Variants in DNAAF1 observed in about 807,000 individuals in gnomAD.
DNAAF1 encodes dynein axonemal assembly factor 1.
DNAAF1 carries 65 observed loss-of-function variants against 71.1 expected under a neutral mutation model. The ratio of observed to expected loss-of-function variants is 0.91; its 90% confidence interval spans 0.75 to 1.12. The LOEUF is 1.12. Ranked by LOEUF, DNAAF1 falls within the 50% of genes most tolerant of loss-of-function variation. DNAAF1 has a pLI of 0.00. For missense variants in DNAAF1, 1,178 were observed against 899.8 expected, an observed-to-expected ratio of 1.31 and a Z score of -3.96; for synonymous variants, 414 against 354.6, an observed-to-expected ratio of 1.17 and a Z score of -1.88.
In DNAAF1 at chr16:84,168,859, T is replaced by C. The variant is rs568077334; in HGVS notation, c.1031-1000T>C. Reference sequence around the variant, plus strand: ...ACACACACACACACACACACACACTTTGCTTTTCCCCTGAACCATTTGAAG... The same window carrying C: ...ACACACACACACACACACACACACTCTGCTTTTCCCCTGAACCATTTGAAG... On this transcript the variant is annotated intron_variant, in intron 7 of 11. Transcript: ENST00000378553. Among the ~76,000 whole-genome samples, 62 of 37,996 alleles carry C rather than the reference T, an allele frequency of 1.6e-3. 1 individual carries two copies. The highest frequency in any genetic ancestry group is 3.4e-3 in the Non-Finnish European group (51 of 15,130). 24.9% of individuals were successfully genotyped at this position (37,996 alleles called of 152,430 possible).
intron 11 of DNAAF1, 56 bp from the exon 12 acceptor site, chr16:84,177,673 C>T (rs560084405): frequency 1.6e-5 from 24 of 1,495,748 alleles, no homozygotes; most frequent in Admixed American, 1.3e-4. Context: ...GGCTGCCCCC[C>T]TGTCCTTGCA....
chr16:84,150,529 T>A (rs1260092968), intron 3 of DNAAF1, among the ~76,000 whole-genome samples, 187 bp downstream of exon 3: 7 of 152,124 alleles, frequency 4.6e-5, no homozygotes, highest in Non-Finnish European at 1.5e-5. Context: ...CTGACCAGTT[T>A]ACAAAGGAGC....
intron 2 of DNAAF1, among the ~76,000 whole-genome samples, chr16:84,149,560 G>A (rs936882079): frequency 5.3e-5 from 8 of 151,164 alleles, no homozygotes; most frequent in Non-Finnish European, 7.4e-5. Flanking sequence ...GCGTAGTGGC[G>A]GGCACCTGTA....
intron 7 of DNAAF1, among the ~76,000 whole-genome samples, chr16:84,167,153 C>T (rs749433337): frequency 6.6e-6 from 1 of 152,120 alleles, no homozygotes; most frequent in Non-Finnish European, 1.5e-5. Context: ...TGATGGCTCA[C>T]AGAACTCCAG....
At position 84,145,473 on chromosome 16, in the gene DNAAF1, T is replaced by C. The variant is rs1161424646; in HGVS notation, c.33T>C (p.Gly11=). 30 of 1,576,848 alleles carry C rather than the reference T, an allele frequency of 1.9e-5. No individual in the cohort carries two copies. The highest frequency in any genetic ancestry group is 2.2e-5 in the Non-Finnish European group (26 of 1,161,908). The change falls in exon 1 of 12, where the codon GGT becomes GGC. Residue 11 remains glycine, a synonymous_variant. Transcript: ENST00000378553. The stretch of plus-strand genomic sequence containing the variant: ...CTGAGCCCTCGGAGCCTGCGACAGG[T>C]GGTGCAGCAGAGCTGGATTGCGCGC... MHPEPSEPAT[G]GAAELDCAQE... is the part of the protein sequence containing the mutation.
chr16:84,172,175 C>G (rs1292426712), intron 8 of DNAAF1, 85 bp from the exon 9 acceptor site: 2 of 1,317,644 alleles, frequency 1.5e-6, no homozygotes, highest in Non-Finnish European at 2.2e-6. Flanking sequence ...CCGAGCCCGG[C>G]CCTTGGGAGC....
In DNAAF1 at chr16:84,165,802, GC is replaced by G; in HGVS notation, c.884del (p.Ala295ValfsTer32). ...PKDRACAEAWARGGYAAEKEE... is the reference protein window; with the variant it reads ...PKDRACAEAWXRGGYAAEKEE... ...AAACAGAGCTTGTGCGGAGGCCTGG[GC>G]TAGGGGAGGGTACGCAGCTGAAAAG... On this transcript the variant is annotated frameshift_variant, in exon 7 of 12. Transcript: ENST00000378553. LOFTEE classifies it high-confidence loss of function. 3 of 1,613,660 alleles carry G rather than the reference GC, an allele frequency of 1.9e-6. No homozygotes were observed. The highest frequency in any genetic ancestry group is 2.5e-6 in the Non-Finnish European group (3 of 1,179,946).
chr16:84,172,101 A>G (rs1181580051), intron 8 of DNAAF1, among the ~76,000 whole-genome samples, 159 bp from the exon 9 acceptor site: 1 of 151,790 alleles, frequency 6.6e-6, no homozygotes, highest in Non-Finnish European at 1.5e-5. Context: ...CTGGACTCAA[A>G]CTTCTGACCT....
In DNAAF1 at chr16:84,148,596, C is replaced by CTCTTTTTTT; in HGVS notation, c.125-410_125-409insCTTTTTTTT. On this transcript the variant is annotated intron_variant, in intron 1 of 11. Coordinates refer to ENST00000378553, the MANE Select transcript of DNAAF1 (RefSeq NM_178452.6). ...AAAGATTACTGTTCTCTCTCTCTCTCTTTTTTTTTTTTTTTTTTGGTGAGA... is the reference window on the plus strand; with the variant it reads ...AAAGATTACTGTTCTCTCTCTCTCTCTCTTTTTTTTTTTTTTTTTTTTTTTTTGGTGAGA... Among the ~76,000 whole-genome samples the CTCTTTTTTT allele has an allele frequency of 1.1e-3, 50 of 43,542 alleles. 2 individuals are homozygous for CTCTTTTTTT. Among genetic ancestry groups the CTCTTTTTTT allele is most frequent in the African/African-American group, 4.1e-3 (45 of 10,858 alleles). 28.6% of individuals were successfully genotyped at this position (43,542 alleles called of 152,430 possible).
chr16:84,147,604 A>G (rs1243647693), intron 1 of DNAAF1, among the ~76,000 whole-genome samples: 1 of 152,042 alleles, frequency 6.6e-6, no homozygotes, highest in Non-Finnish European at 1.5e-5. Flanking sequence ...GACTACAGGC[A>G]TGCTCCACTA....
intron 8 of DNAAF1, 142 bp downstream of exon 8, chr16:84,170,498 C>G (rs2088273486): frequency 7.3e-7 from 1 of 1,367,304 alleles, no homozygotes; most frequent in Non-Finnish European, 1.0e-6. Context: ...CACTAGTTAT[C>G]TTGTTTTCTA....
chr16:84,176,083 G>A lies in DNAAF1; in HGVS notation c.1849G>A (p.Ala617Thr), dbSNP rs1308243842. ...AGTCTCTAAAGACACCTCAAAGGCG[G>A]CTCGGGTGCCCTTCACAGACATCTT... The part of the protein sequence containing the change: ...FAVSKDTSKA[A>T]RVPFTDIFKK... Residue 617 changes from alanine (A) to threonine (T), a missense_variant, in exon 11 of 12, where the codon GCT becomes ACT. Ala to Thr is a moderately conservative substitution (Grantham distance 58). Coordinates refer to ENST00000378553, the MANE Select transcript of DNAAF1 (RefSeq NM_178452.6). The A allele has an allele frequency of 1.3e-5, 21 of 1,613,930 alleles. No homozygotes were observed. The highest frequency in any genetic ancestry group is 1.8e-5 in the Non-Finnish European group (21 of 1,179,986).
chr16:84,174,136 A>T (rs1230633172), intron 9 of DNAAF1: 1 of 974,880 alleles, frequency 1.0e-6, no homozygotes, highest in African/African-American at 1.8e-5. Context: ...GTGGTGGGGG[A>T]GTAACAACCT....
intron 6 of DNAAF1, among the ~76,000 whole-genome samples, chr16:84,163,365 C>T (rs1178045754): frequency 1.5e-5 from 2 of 134,400 alleles, no homozygotes; most frequent in East Asian, 4.0e-4. Flanking sequence ...CTTTTTTTTC[C>T]TCTCTCTCTC....
intron 3 of DNAAF1, among the ~76,000 whole-genome samples, chr16:84,152,853 A>G (rs1009449129): frequency 1.3e-5 from 2 of 151,864 alleles, no homozygotes; most frequent in African/African-American, 2.4e-5. Flanking sequence ...GCTACTCAGG[A>G]GGCTGAGACA....
chr16:84,166,091 G>C, intron 7 of DNAAF1, 142 bp downstream of exon 7: 1 of 1,193,036 alleles, frequency 8.4e-7, no homozygotes, highest in Admixed American at 2.2e-5. Flanking sequence ...TGTCACTGAG[G>C]TTGCAAAGTT....
Position 84,163,202 on chromosome 16 carries a change from G to A in DNAAF1, c.864-2581G>A, listed in dbSNP as rs549144902. Among the ~76,000 whole-genome samples, 4 of 152,220 alleles carry A rather than the reference G, an allele frequency of 2.6e-5. 1 individual carries two copies. In the East Asian group the frequency reaches 5.8e-4, roughly 22 times the overall value. On this transcript the variant is annotated intron_variant, in intron 6 of 11. Transcript: ENST00000378553. ...TCTTCTCCTGGGTATGTATCTAGGA[G>A]TGAAATTTCTGGGTCATACAGGGAC...
chr16:84,160,543 C>T (rs149559607), intron 6 of DNAAF1, among the ~76,000 whole-genome samples: 1 of 152,130 alleles, frequency 6.6e-6, no homozygotes, highest in Non-Finnish European at 1.5e-5. Context: ...TTGCATTATA[C>T]AACATTTAAA....
intron 3 of DNAAF1, 129 bp from the exon 4 acceptor site, chr16:84,154,448 G>A: frequency 1.2e-6 from 1 of 826,972 alleles, no homozygotes; most frequent in Admixed American, 2.0e-5. Context: ...TTAGGGGTTA[G>A]GATTTCAATG....
Sources: gnomAD v4.1 joint callset for allele counts (sites outside exome capture counted in the v4.1 genomes callset) on GRCh38, gnomAD v4.1.1 for gene constraint, MANE v1.5 for transcripts, NCBI Gene and HGNC (gene_info 2026-07-23, HGNC 2026-07-21) for gene names.